Variants in MVP observed in about 807,000 individuals in gnomAD.
MVP encodes major vault protein.
In MVP, 62 loss-of-function variants were observed where a neutral mutation model predicts 83.5. The ratio of observed to expected loss-of-function variants is 0.74; its 90% CI spans 0.61 to 0.92. MVP has a LOEUF of 0.92. MVP is among the 40% of genes least tolerant of loss of function. The pLI is 0.00. For synonymous variants in MVP, 505 were observed against 504.1 expected, an observed-to-expected ratio of 1.00 and a Z score of -0.02; for missense variants, 1,000 against 1,203.4, an observed-to-expected ratio of 0.83 and a Z score of 2.50.
At chr16:29,824,436 G>T (rs776240254) in intron 1 of MVP, among the ~76,000 whole-genome samples, 1 of 151,974 alleles carries the variant, frequency 6.6e-6, no homozygotes, top group Non-Finnish European at 1.5e-5. Context: ...TGCAGACCCC[G>T]TAGGCAGTGT....
intron 7 of MVP, among the ~76,000 whole-genome samples, chr16:29,837,817 A>G (rs1196655430): frequency 6.6e-6 from 1 of 152,124 alleles, no homozygotes; most frequent in East Asian, 1.9e-4. Context: ...GGACTGAACT[A>G]TCATGCAGTG....
At chr16:29,832,225 A>G (rs2150753315) in intron 3 of MVP, among the ~76,000 whole-genome samples, 1 of 152,116 alleles carries the variant, frequency 6.6e-6, no homozygotes, top group Non-Finnish European at 1.5e-5. Context: ...GTAGAGAGAA[A>G]ATGAAGAATG....
At chr16:29,835,849 C>T in intron 6 of MVP, 51 bp downstream of exon 6, 1 of 1,471,010 alleles carries the variant, frequency 6.8e-7, no homozygotes, top group Non-Finnish European at 9.5e-7. Flanking sequence ...AGGGAACCCT[C>T]CGAGTGGCAG....
intron 7 of MVP, 135 bp downstream of exon 7, chr16:29,837,093 C>T: frequency 2.5e-6 from 2 of 790,418 alleles, no homozygotes; most frequent in East Asian, 5.6e-5. Flanking sequence ...TTAGTTCTTA[C>T]ACACCTGAGA....
intron 7 of MVP, among the ~76,000 whole-genome samples, chr16:29,837,680 GGAGATCAAGCCTGTGGTGAGCC>G (rs2067499663): frequency 6.6e-6 from 1 of 151,994 alleles, no homozygotes; most frequent in Non-Finnish European, 1.5e-5. Flanking sequence ...CTTGAACCCT[GGAGATCAAGCCTGTGGTGAGCC>G]GAGATCGTGC....
chr16:29,844,684 C>T lies in MVP; in HGVS notation c.1826C>T (p.Ser609Leu), dbSNP rs371042454. 48 of 1,614,074 alleles carry T rather than the reference C, an allele frequency of 3.0e-5. No homozygotes were observed. Among genetic ancestry groups the T allele is most frequent in the African/African-American group, 8.0e-5 (6 of 75,062 alleles). The change falls in exon 11 of 15, where the codon TCG becomes TTG. Residue 609 changes from serine to leucine, a missense_variant. By Grantham distance (145) the Ser-to-Leu change is moderately radical (BLOSUM62 -2). Transcript: ENST00000357402. ...IRTAVFGFET[S>L]EAKGPDGMAL... Reference sequence around the variant, plus strand: ...ACTGCTGTCTTTGGCTTTGAGACCTCGGAAGCGAAGGGCCCCGATGGCATG... The same window carrying T: ...ACTGCTGTCTTTGGCTTTGAGACCTTGGAAGCGAAGGGCCCCGATGGCATG...
At chr16:29,822,873 A>G (rs973604914) in intron 1 of MVP, among the ~76,000 whole-genome samples, 1 of 152,124 alleles carries the variant, frequency 6.6e-6, no homozygotes, top group Non-Finnish European at 1.5e-5. Context: ...GCCTGCCACC[A>G]TGTACGGCTA....
intron 1 of MVP, chr16:29,822,448 C>T (rs898244329): frequency 2.0e-5 from 3 of 152,168 alleles, no homozygotes; most frequent in African/African-American, 7.2e-5. Flanking sequence ...GTGACCCATT[C>T]TCTAAAGACT....
chr16:29,846,912 T>C (rs764767254), intron 13 of MVP, among the ~76,000 whole-genome samples: 3 of 152,062 alleles, frequency 2.0e-5, no homozygotes, highest in Non-Finnish European at 4.4e-5. Context: ...GTGTGGTGCC[T>C]CAGGTCTCTA....
rs1198615212 is a variant in MVP at position 29,847,401 on chromosome 16, G to A, written c.2454+16G>A. ...TGAGATGCAGGTGAGAGTTGGGGAA[G>A]GTGTGTTGGTTTCAGGACCAACCTT... On this transcript the variant is annotated intron_variant, in intron 14 of 14. Coordinates refer to ENST00000357402, the MANE Select transcript of MVP (RefSeq NM_005115.5). 4 of 1,527,062 alleles carry A rather than the reference G, an allele frequency of 2.6e-6. No homozygotes were observed. The highest frequency in any genetic ancestry group is 2.3e-5 in the East Asian group (1 of 43,928). The allele number at this position is 1,527,062 out of a possible 1,614,324, so 94.6% of individuals were successfully genotyped here.
rs548037722 is a variant in MVP at position 29,834,070 on chromosome 16, G to C, written c.577+4G>C. On this transcript the variant is annotated splice_donor_region_variant and intron_variant, in intron 5 of 14. Coordinates refer to ENST00000357402, the MANE Select transcript of MVP (RefSeq NM_005115.5). ...GACGGCAAGGAGAGGGTGACAGGTG[G>C]GGTCACCAAGGGGCGATGATGGTGG... The C allele has an allele frequency of 6.2e-7, 1 of 1,612,758 alleles. No homozygotes were observed. Among genetic ancestry groups the C allele is most frequent in the East Asian group, 2.2e-5 (1 of 44,838 alleles).
chr16:29,836,966 C>T lies in MVP; in HGVS notation c.909+8C>T, dbSNP rs1331526346. 2 of 1,601,764 alleles carry T rather than the reference C, an allele frequency of 1.2e-6. No homozygotes were observed. Among genetic ancestry groups the T allele is most frequent in the Non-Finnish European group, 8.5e-7 (1 of 1,171,806 alleles). ...CAGAAGCGCGTGGTCAAGGTGAGGTCCCTACACCCCCACAGAGGACTGCCC... is the reference window on the plus strand; with the variant it reads ...CAGAAGCGCGTGGTCAAGGTGAGGTTCCTACACCCCCACAGAGGACTGCCC... On this transcript the variant is annotated splice_region_variant and intron_variant, in intron 7 of 14. Coordinates refer to ENST00000357402, the MANE Select transcript of MVP (RefSeq NM_005115.5).
chr16:29,825,032 C>G (rs1258953929), intron 1 of MVP, among the ~76,000 whole-genome samples: 1 of 152,138 alleles, frequency 6.6e-6, no homozygotes, highest in South Asian at 2.1e-4. Flanking sequence ...TGTGAGCCAC[C>G]TCTCTCAGGC....
Position 29,842,053 on chromosome 16 carries a change from C to T in MVP, c.1575C>T (p.Asp525=), listed in dbSNP as rs768775891. 150 of 1,609,854 alleles carry T rather than the reference C, an allele frequency of 9.3e-5. No homozygotes were observed. In the East Asian group the frequency reaches 3.2e-3, roughly 34 times the overall value. ...TGCTGGGGCCTGACTTCTTCACAGA[C>T]GTCATCACCATCGAAACGGCGGATC... ...CLLLGPDFFT[D]VITIETADHA... Residue 525 remains aspartate (D), a synonymous_variant, in exon 10 of 15, where the codon GAC becomes GAT. Coordinates refer to ENST00000357402, the MANE Select transcript of MVP (RefSeq NM_005115.5).
Position 29,836,908 on chromosome 16 carries a change from C to G in MVP, c.859C>G (p.Pro287Ala). 6.2e-7 allele frequency: 1 copy of G among 1,613,994 alleles called. No homozygotes were observed. ...CCACAACTACTGCGTGATTCTCGACCCTGTCGGACCGGATGGCAAGAATCA... is the reference window on the plus strand; with the variant it reads ...CCACAACTACTGCGTGATTCTCGACGCTGTCGGACCGGATGGCAAGAATCA... ...GPHNYCVILD[P>A]VGPDGKNQLG... Residue 287 changes from proline to alanine, a missense_variant, in exon 7 of 15, where the codon CCT (proline) becomes GCT (alanine). By Grantham distance (27) the Pro-to-Ala change is conservative. Transcript: ENST00000357402.
chr16:29,837,554 G>C (rs1408990647), intron 7 of MVP, among the ~76,000 whole-genome samples: 1 of 152,048 alleles, frequency 6.6e-6, no homozygotes, highest in East Asian at 1.9e-4. Context: ...AGGAGTTCGA[G>C]ACTAGCCTGG....
chr16:29,828,294 G>A (rs1440995768), intron 1 of MVP, among the ~76,000 whole-genome samples: 1 of 152,150 alleles, frequency 6.6e-6, no homozygotes, highest in African/African-American at 2.4e-5. Flanking sequence ...AGCCACATGT[G>A]GATGTGGCTA....
rs2067581303 is a variant in MVP, at chr16:29,845,956, A to G, written c.2115A>G (p.Glu705=). ...DQSEAEKARK[E]LLELEALSMA... ...CAGAAGCCGAGAAAGCTCGCAAGGA[A>G]CTTTTGGAGCTGGAGGCTCTGAGGT... Residue 705 remains glutamate (E), a synonymous_variant, in exon 12 of 15, where the codon GAA becomes GAG. Coordinates refer to ENST00000357402, the MANE Select transcript of MVP (RefSeq NM_005115.5). The G allele has an allele frequency of 6.2e-7, 1 of 1,614,096 alleles. No individual in the cohort carries two copies. The highest frequency in any genetic ancestry group is 1.3e-5 in the African/African-American group (1 of 74,950).
In MVP at chr16:29,842,014, T is replaced by TGCGCTCTGCCTGCTGC. The variant is rs764080003; in HGVS notation, c.1537_1552dup (p.Leu518ArgfsTer9). 1.1e-5 allele frequency: 18 copies of TGCGCTCTGCCTGCTGC among 1,611,816 alleles called. No homozygotes were observed. The highest frequency in any genetic ancestry group is 1.5e-5 in the Non-Finnish European group (18 of 1,180,004). Reference sequence around the variant, plus strand: ...GGCCCAAGCGTCCCCATGCCCGCCGTGCGCTCTGCCTGCTGCTGGGGCCTG... The same window carrying TGCGCTCTGCCTGCTGC: ...GGCCCAAGCGTCCCCATGCCCGCCGTGCGCTCTGCCTGCTGCGCGCTCTGCCTGCTGCTGGGGCCTG... On this transcript the variant is annotated frameshift_variant, in exon 10 of 15. Coordinates refer to ENST00000357402, the MANE Select transcript of MVP (RefSeq NM_005115.5). LOFTEE classifies it high-confidence loss of function.
Sources: gnomAD v4.1 joint callset for allele counts (sites outside exome capture counted in the v4.1 genomes callset) on GRCh38, gnomAD v4.1.1 for gene constraint, MANE v1.5 for transcripts, NCBI Gene and HGNC (gene_info 2026-07-23, HGNC 2026-07-21) for gene names.